Variants in CEP120 observed in about 807,000 individuals in gnomAD.
The protein encoded by CEP120 is centrosomal protein 120.
Under a neutral mutation model 126.5 loss-of-function variants are expected in CEP120, and 113 were observed. The observed-to-expected ratio is 0.89, with a 90% confidence interval of 0.77 to 1.04. The LOEUF (loss-of-function observed/expected upper bound fraction) is 1.04, where lower values mean the gene tolerates loss of function less well. Among genes scored for constraint, CEP120 ranks in the 50% least tolerant of loss-of-function variants. The pLI is 0.00. For missense variants in CEP120, 1,230 were observed against 1,155.7 expected (o/e 1.06, Z -0.93); for synonymous variants, 400 against 394.3 (o/e 1.01, Z -0.17).
intron 18 of CEP120, among the ~76,000 whole-genome samples, chr5:123,357,019 C>T (rs1769684909): frequency 6.6e-6 from 1 of 152,082 alleles, no homozygotes; most frequent in Admixed American, 6.6e-5. Flanking sequence ...AGTCTGAAGT[C>T]TTTCATTTGT....
intron 18 of CEP120, among the ~76,000 whole-genome samples, chr5:123,363,830 C>T (rs1770261191): frequency 6.6e-6 from 1 of 151,374 alleles, no homozygotes; most frequent in Non-Finnish European, 1.5e-5. Flanking sequence ...GAAAAGTGAA[C>T]TTAGAATAAA....
At chr5:123,405,451 G>C (rs1388910892) in intron 4 of CEP120, among the ~76,000 whole-genome samples, 1 of 152,170 alleles carries the variant, frequency 6.6e-6, no homozygotes, top group Non-Finnish European at 1.5e-5. Flanking sequence ...AACAAGGCCT[G>C]CCCTCGGAGA....
chr5:123,373,951 T>G (rs1771032612), intron 16 of CEP120, among the ~76,000 whole-genome samples: 1 of 151,894 alleles, frequency 6.6e-6, no homozygotes, highest in Non-Finnish European at 1.5e-5. Flanking sequence ...TCATCAGTAC[T>G]CTGGTGCATG....
chr5:123,381,812 T>C (rs932214985), intron 14 of CEP120, among the ~76,000 whole-genome samples: 5 of 151,940 alleles, frequency 3.3e-5, no homozygotes, highest in Non-Finnish European at 7.4e-5. Context: ...TCCAGGCTGG[T>C]CTCAACCTCC....
intron 9 of CEP120, 109 bp downstream of exon 9, chr5:123,388,323 T>A: frequency 1.4e-6 from 1 of 711,844 alleles, no homozygotes; most frequent in Non-Finnish European, 2.1e-6. Context: ...GTCCACTGAT[T>A]TAACAAATGT....
At chr5:123,353,607 G>A (rs1769358624) in intron 18 of CEP120, among the ~76,000 whole-genome samples, 1 of 151,710 alleles carries the variant, frequency 6.6e-6, no homozygotes, top group Admixed American at 6.6e-5. Context: ...ATTCAAATGT[G>A]AAGACATATG....
chr5:123,375,887 T>C (rs1771179471), intron 16 of CEP120, among the ~76,000 whole-genome samples: 1 of 152,148 alleles, frequency 6.6e-6, no homozygotes, highest in Non-Finnish European at 1.5e-5. Context: ...CTGTGGAAAC[T>C]GTTCATGAGA....
Position 123,378,421 on chromosome 5 carries a change from T to C in CEP120, c.2111A>G (p.Glu704Gly), listed in dbSNP as rs1430290575. 6.4e-7 allele frequency: 1 copy of C among 1,552,918 alleles called. No individual in the cohort carries two copies. Among genetic ancestry groups the C allele is most frequent in the Admixed American group, 2.0e-5 (1 of 49,282 alleles). The change falls in exon 15 of 20, where the codon GAA becomes GGA. Residue 704 changes from glutamate to glycine, a missense_variant. Physicochemically the swap from Glu to Gly is moderately conservative, Grantham distance 98 (BLOSUM62 -2). Transcript: ENST00000306467. Reference sequence around the variant, plus strand: ...AAGTTTTCCTTCTAGAATAGTATATTCAGCCACCTAAAATATAGTAAAAAA... The same window carrying C: ...AAGTTTTCCTTCTAGAATAGTATATCCAGCCACCTAAAATATAGTAAAAAA... ...RESLVKKKVA[E>G]YTILEGKLQK...
chr5:123,359,474 GACA>G (rs936713521), intron 18 of CEP120, among the ~76,000 whole-genome samples: 1 of 152,102 alleles, frequency 6.6e-6, no homozygotes, highest in Non-Finnish European at 1.5e-5. Flanking sequence ...TAGGAAAGCA[GACA>G]ACTTCACTTG....
At chr5:123,347,929 G>C (rs528723343) in intron 19 of CEP120, among the ~76,000 whole-genome samples, 22 of 152,136 alleles carry the variant, frequency 1.4e-4, no homozygotes, top group African/African-American at 1.7e-4. Flanking sequence ...GCCCCTTACT[G>C]TCCTGGTCAC....
chr5:123,400,075 AGGG>A, intron 4 of CEP120, among the ~76,000 whole-genome samples: 1 of 152,346 alleles, frequency 6.6e-6, no homozygotes, highest in African/African-American at 2.4e-5. Context: ...GTGATATATC[AGGG>A]CCTATCAAAA....
intron 1 of CEP120, 126 bp downstream of exon 1, chr5:123,422,824 A>G: frequency 1.1e-6 from 1 of 921,548 alleles, no homozygotes; most frequent in South Asian, 1.4e-5. Flanking sequence ...ACAACTTTGA[A>G]CAAGTCTGTG....
At chr5:123,382,325 TAA>T (rs200376887) in intron 13 of CEP120, 125 bp from the exon 14 acceptor site, 12,730 of 217,046 alleles carry the variant, frequency 0.059, 5 homozygotes, top group South Asian at 0.084. Context: ...TTTTTTATTC[TAA>T]AAAAAAAAAA....
intron 5 of CEP120, among the ~76,000 whole-genome samples, chr5:123,395,936 C>A (rs1772758649): frequency 6.6e-6 from 1 of 151,502 alleles, no homozygotes; most frequent in Admixed American, 6.6e-5. Context: ...CCCTCCTCAG[C>A]CTCCCAAAGT....
rs1384766649 is a variant in CEP120, at chr5:123,368,167, TAA to T, written c.2482-3575_2482-3574del. Among the ~76,000 whole-genome samples the T allele has an allele frequency of 3.3e-5, 5 of 152,134 alleles. No individual in the cohort carries two copies. The East Asian group carries it at 5.8e-4, about 18-fold the overall frequency. On this transcript the variant is annotated intron_variant, in intron 17 of 19. Coordinates refer to ENST00000306467, the MANE Select transcript of CEP120 (RefSeq NM_001375405.1). ...ATAAAAGCATAGTTGGAAGAAATTT[TAA>T]AAGTCATTTAAAATTTATTTTTATT...
rs189958348 is a variant in CEP120 at position 123,414,832 on chromosome 5, C to G, written c.321+1178G>C. ...ATTCAAAAAAAAAAAATTAGCTGGGCATGGTGGCGGGTGCCTGTAGTCCCA... is the reference window on the plus strand; with the variant it reads ...ATTCAAAAAAAAAAAATTAGCTGGGGATGGTGGCGGGTGCCTGTAGTCCCA... On this transcript the variant is annotated intron_variant, in intron 3 of 19. Coordinates refer to ENST00000306467, the MANE Select transcript of CEP120 (RefSeq NM_001375405.1). Among the ~76,000 whole-genome samples, 617 of 151,772 alleles carry G rather than the reference C, an allele frequency of 4.1e-3. 30 individuals carry two copies. The East Asian group carries it at 0.1, about 25-fold the overall frequency.
At chr5:123,377,580 C>T in intron 15 of CEP120, 45 bp from the exon 16 acceptor site, 1 of 1,436,580 alleles carries the variant, frequency 7.0e-7, no homozygotes, top group South Asian at 1.3e-5. Context: ...TTGCTAGCTG[C>T]ATTATACTAT....
At chr5:123,398,281 A>G (rs973732469) in intron 5 of CEP120, among the ~76,000 whole-genome samples, 5 of 152,152 alleles carry the variant, frequency 3.3e-5, no homozygotes, top group Non-Finnish European at 7.3e-5. Flanking sequence ...CAGTGGAATA[A>G]CAGCTAGTTT....
chr5:123,355,335 G>A lies in CEP120; in HGVS notation c.2581-5246C>T, dbSNP rs928384606. 2.7e-3 allele frequency among the ~76,000 whole-genome samples: 404 copies of A among 152,248 alleles called. 3 individuals are homozygous for A. The highest frequency in any genetic ancestry group is 9.4e-3 in the African/African-American group (390 of 41,554). On this transcript the variant is annotated intron_variant, in intron 18 of 19. Transcript: ENST00000306467. ...ATGGCTGGGTCAAATGGTATTTCTA[G>A]TTCCAGATCCCTGAGGAATCACCAC...
Sources: allele counts gnomAD v4.1 joint callset (sites outside exome capture counted in the v4.1 genomes callset), GRCh38; gene constraint gnomAD v4.1.1; transcripts MANE v1.5; gene names NCBI Gene and HGNC (gene_info 2026-07-23, HGNC 2026-07-21).